Variants in ATP10A observed in about 807,000 individuals in gnomAD.
ATP10A encodes the protein ATPase phospholipid transporting 10A (putative).
Under a neutral mutation model 147.8 loss-of-function variants are expected in ATP10A, and 111 were observed. That is an observed-to-expected ratio of 0.75 (90% CI 0.64 to 0.88). The LOEUF is 0.88. Ranked by LOEUF, ATP10A falls within the 40% of genes least tolerant of loss-of-function variation. The pLI is 0.00. For synonymous variants in ATP10A, 875 were observed against 841.6 expected, an observed-to-expected ratio of 1.04 and a Z score of -0.69; for missense variants, 1,927 against 1,959.0, an observed-to-expected ratio of 0.98 and a Z score of 0.31.
At position 25,732,845 on chromosome 15, in the gene ATP10A, G is replaced by A. The variant is rs563523599; in HGVS notation, c.740+3211C>T. Among the ~76,000 whole-genome samples the A allele has an allele frequency of 1.1e-4, 16 of 151,994 alleles. No individual in the cohort carries two copies. In the East Asian group the frequency reaches 2.7e-3, roughly 26 times the overall value. ...GCTGGGATTACAGGTGTGAGCCACC[G>A]CGCCCGGCCACGACACCTTCTAATT... On this transcript the variant is annotated intron_variant, in intron 3 of 20. Transcript: ENST00000555815.
intron 14 of ATP10A, 141 bp downstream of exon 14, chr15:25,694,678 C>T: frequency 1.3e-6 from 1 of 778,724 alleles, no homozygotes; most frequent in Non-Finnish European, 2.0e-6. Context: ...AACATGTTGC[C>T]TGCTCTATCA....
chr15:25,780,020 G>A (rs1053237809), intron 2 of ATP10A, among the ~76,000 whole-genome samples: 3 of 152,162 alleles, frequency 2.0e-5, no homozygotes, highest in African/African-American at 4.8e-5. Context: ...CCCCTGTGAC[G>A]GTGACCGGGG....
At position 25,707,301 on chromosome 15, in the gene ATP10A, A is replaced by G. The variant is rs376452660; in HGVS notation, c.2575+675T>C. On this transcript the variant is annotated intron_variant, in intron 12 of 20. Coordinates refer to ENST00000555815, the MANE Select transcript of ATP10A (RefSeq NM_024490.4). The stretch of plus-strand genomic sequence containing the variant: ...TGACCTGCCCAGGGCTTTGTGCTCG[A>G]GAAGTACCACCTGACTCACAGCACC... 7.9e-5 allele frequency among the ~76,000 whole-genome samples: 12 copies of G among 152,282 alleles called. No homozygotes were observed. The East Asian group carries it at 1.5e-3, about 20-fold the overall frequency.
chr15:25,681,199 A>C (rs1326782817), intron 17 of ATP10A, 125 bp from the exon 18 acceptor site: 1 of 889,102 alleles, frequency 1.1e-6, no homozygotes, highest in East Asian at 2.6e-5. Context: ...ACCCACCCTG[A>C]GGAGTAGAGC....
chr15:25,810,250 A>G (rs1017871808), intron 1 of ATP10A, among the ~76,000 whole-genome samples: 3 of 152,174 alleles, frequency 2.0e-5, no homozygotes, highest in Non-Finnish European at 4.4e-5. Flanking sequence ...CAGAAAGCCC[A>G]AGGGCCTGGC....
At chr15:25,768,099 C>T (rs1335305231) in intron 2 of ATP10A, among the ~76,000 whole-genome samples, 2 of 152,216 alleles carry the variant, frequency 1.3e-5, no homozygotes, top group African/African-American at 4.8e-5. Context: ...GTTCTCTGCA[C>T]TGGATGAGGG....
intron 10 of ATP10A, among the ~76,000 whole-genome samples, chr15:25,712,644 C>A (rs1901513028): frequency 6.6e-6 from 1 of 152,210 alleles, no homozygotes; most frequent in African/African-American, 2.4e-5. Flanking sequence ...TCCTAGAACT[C>A]AAACTGTGTC....
At chr15:25,712,994 G>A (rs1223923461) in intron 10 of ATP10A, among the ~76,000 whole-genome samples, 4 of 152,168 alleles carry the variant, frequency 2.6e-5, no homozygotes, top group Non-Finnish European at 4.4e-5. Flanking sequence ...GGGAGCAACC[G>A]GCTTATAGCA....
intron 1 of ATP10A, among the ~76,000 whole-genome samples, chr15:25,806,005 G>A (rs1476687368): frequency 6.6e-6 from 1 of 152,136 alleles, no homozygotes; most frequent in East Asian, 1.9e-4. Context: ...TTCTAATGCA[G>A]AAAATTAAAT....
chr15:25,832,981 C>CTTTTTTT (rs202037774), intron 1 of ATP10A, among the ~76,000 whole-genome samples: 4 of 124,200 alleles, frequency 3.2e-5, no homozygotes, highest in African/African-American at 1.2e-4. Context: ...CTATTTTATT[C>CTTTTTTT]TTTTTTTTTT....
chr15:25,735,524 T>G (rs1887219452), intron 3 of ATP10A, among the ~76,000 whole-genome samples: 1 of 152,212 alleles, frequency 6.6e-6, no homozygotes, highest in African/African-American at 2.4e-5. Context: ...CTCTAGGTTA[T>G]GCTTATTTGT....
intron 3 of ATP10A, among the ~76,000 whole-genome samples, chr15:25,728,094 C>A (rs767469067): frequency 6.6e-6 from 1 of 152,154 alleles, no homozygotes; most frequent in Non-Finnish European, 1.5e-5. Context: ...GAGTGCCTTC[C>A]GAGAGGCTAC....
intron 3 of ATP10A, among the ~76,000 whole-genome samples, chr15:25,730,119 C>T (rs1215491225): frequency 1.3e-5 from 2 of 149,132 alleles, no homozygotes; most frequent in African/African-American, 5.0e-5. Context: ...GGCGAAACCC[C>T]GTCTCTACTA....
At chr15:25,741,255 C>T (rs1033908386) in intron 2 of ATP10A, among the ~76,000 whole-genome samples, 2 of 152,124 alleles carry the variant, frequency 1.3e-5, no homozygotes, top group Non-Finnish European at 2.9e-5. Context: ...GTGACGAATG[C>T]TTATTTCAGA....
intron 12 of ATP10A, among the ~76,000 whole-genome samples, chr15:25,706,462 G>A (rs945636617): frequency 1.3e-5 from 2 of 152,174 alleles, no homozygotes; most frequent in South Asian, 4.1e-4. Context: ...AGCGGAACTT[G>A]GATGCAAAAA....
At chr15:25,852,739 G>C (rs997376512) in intron 1 of ATP10A, among the ~76,000 whole-genome samples, 2 of 152,140 alleles carry the variant, frequency 1.3e-5, no homozygotes, top group African/African-American at 2.4e-5. Context: ...CCCAGACTAT[G>C]GTGTGTTCTT....
intron 1 of ATP10A, among the ~76,000 whole-genome samples, chr15:25,786,896 A>C (rs1890196461): frequency 6.6e-6 from 1 of 151,274 alleles, no homozygotes. Flanking sequence ...CGGCCTCCCA[A>C]AGTGCTGGGA....
intron 13 of ATP10A, among the ~76,000 whole-genome samples, chr15:25,700,742 C>T (rs958378388): frequency 2.0e-5 from 3 of 152,044 alleles, no homozygotes; most frequent in South Asian, 4.2e-4. Flanking sequence ...TCTCCTGGAC[C>T]GTGGATAGGG....
chr15:25,718,631 C>T (rs1353011189), intron 7 of ATP10A, among the ~76,000 whole-genome samples: 8 of 152,104 alleles, frequency 5.3e-5, no homozygotes, highest in Non-Finnish European at 1.5e-5. Context: ...TCTCAGAGAA[C>T]GTAAGGAGCT....
Sources: gnomAD v4.1 joint callset for allele counts (sites outside exome capture counted in the v4.1 genomes callset) on GRCh38, gnomAD v4.1.1 for gene constraint, MANE v1.5 for transcripts, NCBI Gene and HGNC (gene_info 2026-07-23, HGNC 2026-07-21) for gene names.